KPNA5: variants seen among roughly 807,000 people sequenced by gnomAD.
KPNA5 encodes karyopherin subunit alpha 5, also known as importin subunit alpha-6.
A neutral mutation model predicts 71.3 loss-of-function variants in KPNA5; 46 were observed. The ratio of observed to expected loss-of-function variants is 0.65; its 90% confidence interval spans 0.51 to 0.83. The LOEUF is 0.83. Ranked by LOEUF, KPNA5 falls within the 40% of genes least tolerant of loss-of-function variation. The probability of loss-of-function intolerance (pLI) is 0.00; values close to 1 mark genes in which losing one functional copy is unlikely to be tolerated. For synonymous variants in KPNA5, 207 were observed against 201.4 expected (o/e 1.03, Z -0.24); for missense variants, 547 against 628.3 (o/e 0.87, Z 1.38).
At chr6:116,706,841 G>C (rs1778460291) in intron 7 of KPNA5, among the ~76,000 whole-genome samples, 1 of 151,784 alleles carries the variant, frequency 6.6e-6, no homozygotes, top group Non-Finnish European at 1.5e-5. Context: ...CTCTGGAGTT[G>C]GGCAAAAGGA....
rs1554258547 is a variant in KPNA5 at position 116,732,074 on chromosome 6, T to TATA, written c.1433-62_1433-61insATA. 3.5e-4 allele frequency: 24 copies of TATA among 67,758 alleles called. 1 individual carries two copies. Among genetic ancestry groups the TATA allele is most frequent in the Admixed American group, 7.4e-4 (4 of 5,388 alleles). The allele number at this position is 67,758 out of a possible 1,614,324, so 4.2% of individuals were successfully genotyped here. ...TACTGAAATTGTAGTAACAGTTTGT[T>TATA]TATATATATATATATATATATATAT... is the stretch of plus-strand genomic sequence containing the variant. On this transcript the variant is annotated intron_variant, in intron 13 of 13. Coordinates refer to ENST00000368564, the MANE Select transcript of KPNA5 (RefSeq NM_001366306.2).
Position 116,735,088 on chromosome 6 carries a change from G to A in KPNA5, c.*2765G>A, listed in dbSNP as rs1779623643. Reference sequence around the variant, plus strand: ...TTTTTACTGTGTTTTATTTCAAAACGTTGTTTTAAGTGATAGTGTCCTTAA... The same window carrying A: ...TTTTTACTGTGTTTTATTTCAAAACATTGTTTTAAGTGATAGTGTCCTTAA... On this transcript the variant is annotated 3_prime_UTR_variant, in exon 14 of 14. Transcript: ENST00000368564. 2 of 151,678 alleles carry A rather than the reference G, an allele frequency of 1.3e-5. No individual in the cohort carries two copies. Among genetic ancestry groups the A allele is most frequent in the South Asian group, 2.1e-4 (1 of 4,834 alleles). 9.4% of individuals were successfully genotyped at this position (151,678 alleles called of 1,614,324 possible).
chr6:116,720,582 C>T (rs148715380), intron 8 of KPNA5, among the ~76,000 whole-genome samples: 397 of 152,208 alleles, frequency 2.6e-3, no homozygotes, highest in Non-Finnish European at 3.4e-3. Context: ...CTGGGTGTGG[C>T]GGCTCATGCC....
intron 1 of KPNA5, among the ~76,000 whole-genome samples, chr6:116,681,773 C>T (rs1777367666): frequency 6.6e-6 from 1 of 152,132 alleles, no homozygotes; most frequent in Non-Finnish European, 1.5e-5. Context: ...CTAGCCTCGC[C>T]CTCTCCATCC....
At chr6:116,703,138 T>G (rs1305593472) in intron 6 of KPNA5, among the ~76,000 whole-genome samples, 2 of 152,206 alleles carry the variant, frequency 1.3e-5, no homozygotes, top group Non-Finnish European at 2.9e-5. Flanking sequence ...TTGTTGTACA[T>G]TTGGATTATT....
chr6:116,740,995 A>T lies in KPNA5; in HGVS notation c.*8672A>T, dbSNP rs74691145. On this transcript the variant is annotated 3_prime_UTR_variant, in exon 14 of 14. Coordinates refer to ENST00000368564, the MANE Select transcript of KPNA5 (RefSeq NM_001366306.2). ...TGTACCCTGAAACTTAAAGTATAATAAAAAAAAAAGAAATGTACTTTTAAA... is the reference window on the plus strand; with the variant it reads ...TGTACCCTGAAACTTAAAGTATAATTAAAAAAAAAGAAATGTACTTTTAAA... 3 of 143,682 alleles carry T rather than the reference A, an allele frequency of 2.1e-5. No homozygotes were observed. Among genetic ancestry groups the T allele is most frequent in the African/African-American group, 2.8e-5 (1 of 35,420 alleles). The allele number at this position is 143,682 out of a possible 1,614,324, so 8.9% of individuals were successfully genotyped here.
chr6:116,682,415 A>G (rs1351190038), intron 1 of KPNA5, among the ~76,000 whole-genome samples: 1 of 152,224 alleles, frequency 6.6e-6, no homozygotes, highest in African/African-American at 2.4e-5. Context: ...CTAATGATTT[A>G]TCTCTCAATT....
rs1296673330 is a variant in KPNA5, at chr6:116,738,850, C to T, written c.*6527C>T. ...TAAATTAGGTATTGATGGGACGTAT[C>T]TCCAAATAATAAGAGCTATCTATGA... On this transcript the variant is annotated 3_prime_UTR_variant, in exon 14 of 14. Coordinates refer to ENST00000368564, the MANE Select transcript of KPNA5 (RefSeq NM_001366306.2). 1 of 152,068 alleles carries T rather than the reference C, an allele frequency of 6.6e-6. No individual in the cohort carries two copies. The highest frequency in any genetic ancestry group is 1.5e-5 in the Non-Finnish European group (1 of 68,000). The allele number at this position is 152,068 out of a possible 1,614,324, so 9.4% of individuals were successfully genotyped here.
At chr6:116,703,941 A>C (rs1379572883) in intron 6 of KPNA5, among the ~76,000 whole-genome samples, 1 of 152,198 alleles carries the variant, frequency 6.6e-6, no homozygotes, top group Non-Finnish European at 1.5e-5. Flanking sequence ...TGCAAATTCC[A>C]TGGAGTCTAT....
chr6:116,729,158 CGTGTGTGTGTGTGTGTGTGTGT>C (rs150925835), intron 12 of KPNA5, among the ~76,000 whole-genome samples: 1 of 112,162 alleles, frequency 8.9e-6, no homozygotes, highest in East Asian at 2.8e-4. Context: ...ATATGACCTC[CGTGTGTGTGTGTGTGTGTGTGT>C]GTGTGTGTGT....
chr6:116,705,727 T>A (rs900876457), intron 7 of KPNA5, among the ~76,000 whole-genome samples: 1 of 152,170 alleles, frequency 6.6e-6, no homozygotes, highest in Non-Finnish European at 1.5e-5. Context: ...ATTAAGAGGA[T>A]CTTTATGTAG....
chr6:116,694,774 C>G (rs900599903), intron 4 of KPNA5, among the ~76,000 whole-genome samples: 1 of 152,046 alleles, frequency 6.6e-6, no homozygotes, highest in Non-Finnish European at 1.5e-5. Flanking sequence ...TTAAATTTTT[C>G]TCAATTTTAG....
chr6:116,727,752 T>C (rs1182406898), intron 12 of KPNA5, among the ~76,000 whole-genome samples: 2 of 152,128 alleles, frequency 1.3e-5, no homozygotes, highest in African/African-American at 2.4e-5. Context: ...GTAATCATCA[T>C]AATTTTTATT....
chr6:116,716,591 C>G (rs1778897117), intron 8 of KPNA5, among the ~76,000 whole-genome samples: 1 of 152,204 alleles, frequency 6.6e-6, no homozygotes, highest in Non-Finnish European at 1.5e-5. Context: ...TAGTCTAGCT[C>G]TCTCATTTAT....
intron 1 of KPNA5, among the ~76,000 whole-genome samples, chr6:116,681,732 A>G (rs1777364951): frequency 6.6e-6 from 1 of 151,984 alleles, no homozygotes; most frequent in Non-Finnish European, 1.5e-5. Flanking sequence ...ACAGTGTCCA[A>G]AGAAGAGACA....
intron 8 of KPNA5, among the ~76,000 whole-genome samples, chr6:116,719,284 C>T (rs1779019190): frequency 6.6e-6 from 1 of 151,876 alleles, no homozygotes; most frequent in Non-Finnish European, 1.5e-5. Context: ...TGTGGTTTGT[C>T]TTAATCACTT....
chr6:116,703,558 C>T (rs9398442), intron 6 of KPNA5, among the ~76,000 whole-genome samples: 27,812 of 151,928 alleles, frequency 0.18, 2,722 homozygotes, highest in East Asian at 0.3. Context: ...CCACCGCGCC[C>T]GGCCAAAAGA....
At position 116,681,534 on chromosome 6, in the gene KPNA5, T is replaced by A. The variant is rs1016332886; in HGVS notation, c.4+196T>A. ...GGGGCGTGGCAGCCGGACCTTTCCC[T>A]TGCGGACGCGAAGGCGTGGTGAGTT... On this transcript the variant is annotated intron_variant, in intron 1 of 13. Coordinates refer to ENST00000368564, the MANE Select transcript of KPNA5 (RefSeq NM_001366306.2). 1.7e-5 allele frequency: 23 copies of A among 1,345,376 alleles called. No individual in the cohort carries two copies. The Middle Eastern group carries it at 7.4e-4, about 43-fold the overall frequency. The allele number at this position is 1,345,376 out of a possible 1,614,324, so 83.3% of individuals were successfully genotyped here.
Position 116,725,781 on chromosome 6 carries a change from C to G in KPNA5, c.1030C>G (p.Leu344Val), listed in dbSNP as rs367592456. 3.7e-6 allele frequency: 6 copies of G among 1,612,936 alleles called. No individual in the cohort carries two copies. The highest frequency in any genetic ancestry group is 5.1e-6 in the Non-Finnish European group (6 of 1,179,354). Residue 344 changes from leucine to valine, a missense_variant, in exon 11 of 14, where the codon CTC becomes GTC. By Grantham distance (32) the Leu-to-Val change is conservative. Coordinates refer to ENST00000368564, the MANE Select transcript of KPNA5 (RefSeq NM_001366306.2). The part of the protein sequence containing the change: ...VILNCSALPC[L>V]LHLLSSPKES... ...TTTGAATTGTTCTGCATTACCCTGT[C>G]TCTTACATTTATTGAGTAGCCCAAA...
Sources: allele counts gnomAD v4.1 joint callset (sites outside exome capture counted in the v4.1 genomes callset), GRCh38; gene constraint gnomAD v4.1.1; transcripts MANE v1.5; gene names NCBI Gene and HGNC (gene_info 2026-07-23, HGNC 2026-07-21).